The following AGBL4 variants were observed in gnomAD, a reference collection of about 807,000 sequenced individuals.
AGBL4 encodes cytosolic carboxypeptidase 6.
Under a neutral mutation model 66.4 loss-of-function variants are expected in AGBL4, and 58 were observed. The ratio of observed to expected loss-of-function variants is 0.87; its 90% CI spans 0.71 to 1.09. The LOEUF (loss-of-function observed/expected upper bound fraction) is 1.09, where lower values mean the gene tolerates loss of function less well. Among genes scored for constraint, AGBL4 ranks in the 50% least tolerant of loss-of-function variants. AGBL4 has a pLI of 0.00. For synonymous variants in AGBL4, 234 were observed against 222.9 expected (o/e 1.05, Z -0.44); for missense variants, 579 against 631.0 (o/e 0.92, Z 0.88).
intron 6 of AGBL4, among the ~76,000 whole-genome samples, chr1:48,701,463 T>C (rs72681045): frequency 0.011 from 1,726 of 151,160 alleles, 41 homozygotes; most frequent in African/African-American, 0.04. Flanking sequence ...TTTTCCTTTT[T>C]TTTTCTTTTC....
chr1:49,448,437 T>C (rs1646206782), intron 3 of AGBL4, among the ~76,000 whole-genome samples: 1 of 152,170 alleles, frequency 6.6e-6, no homozygotes, highest in African/African-American at 2.4e-5. Context: ...AACTTGTCTC[T>C]CCCCGATTCA....
intron 6 of AGBL4, among the ~76,000 whole-genome samples, chr1:48,701,268 G>A (rs1186463071): frequency 6.6e-6 from 1 of 152,174 alleles, no homozygotes; most frequent in South Asian, 2.1e-4. Flanking sequence ...GACCTGGGAA[G>A]AGGCAGCTGA....
intron 1 of AGBL4, among the ~76,000 whole-genome samples, chr1:49,936,508 G>C (rs1654043741): frequency 6.6e-6 from 1 of 152,086 alleles, no homozygotes. Flanking sequence ...TACTCCTCGA[G>C]AAGAGCAACT....
At chr1:49,036,724 A>ATTTTTTTT (rs35463441) in intron 5 of AGBL4, among the ~76,000 whole-genome samples, 1 of 139,368 alleles carries the variant, frequency 7.2e-6, no homozygotes. Flanking sequence ...TGCTCAGCTA[A>ATTTTTTTT]TTTTTTTTTT....
intron 4 of AGBL4, among the ~76,000 whole-genome samples, chr1:49,239,688 G>A (rs924527491): frequency 6.6e-6 from 1 of 152,032 alleles, no homozygotes; most frequent in African/African-American, 2.4e-5. Flanking sequence ...AGGTTTAGTG[G>A]AAGATACTGA....
chr1:48,753,703 C>A (rs1378070584), intron 6 of AGBL4, among the ~76,000 whole-genome samples: 1 of 152,202 alleles, frequency 6.6e-6, no homozygotes, highest in Non-Finnish European at 1.5e-5. Context: ...GCATTCTCCT[C>A]TCTAAAACGG....
intron 6 of AGBL4, among the ~76,000 whole-genome samples, chr1:48,689,374 CACCTACCTACCT>C (rs527261285): frequency 1.3e-5 from 2 of 150,300 alleles, no homozygotes; most frequent in African/African-American, 5.0e-5. Flanking sequence ...GGATGACGGT[CACCTACCTACCT>C]ACCTACCTAC....
intron 3 of AGBL4, among the ~76,000 whole-genome samples, chr1:49,639,249 C>A (rs1426820922): frequency 6.6e-6 from 1 of 152,136 alleles, no homozygotes; most frequent in Non-Finnish European, 1.5e-5. Flanking sequence ...CATTCTAACA[C>A]ACACCCTGCT....
chr1:48,911,486 G>T (rs1166737874), intron 5 of AGBL4, among the ~76,000 whole-genome samples: 3 of 152,022 alleles, frequency 2.0e-5, no homozygotes, highest in Non-Finnish European at 4.4e-5. Flanking sequence ...CAGGCGTGGT[G>T]GTGGGTGCCT....
chr1:48,957,269 T>C (rs1280890796), intron 5 of AGBL4, among the ~76,000 whole-genome samples: 1 of 152,196 alleles, frequency 6.6e-6, no homozygotes, highest in East Asian at 1.9e-4. Flanking sequence ...ACTTTTTTCC[T>C]TTTATAGTAT....
At chr1:49,474,953 G>C (rs1419317843) in intron 3 of AGBL4, among the ~76,000 whole-genome samples, 2 of 152,006 alleles carry the variant, frequency 1.3e-5, no homozygotes, top group African/African-American at 4.8e-5. Context: ...GATTGTTCCA[G>C]CTAAAACTTC....
At chr1:49,945,070 T>A (rs560992072) in intron 1 of AGBL4, among the ~76,000 whole-genome samples, 1 of 152,208 alleles carries the variant, frequency 6.6e-6, no homozygotes, top group East Asian at 1.9e-4. Context: ...GGGTTTATGT[T>A]AAATGACCAA....
At chr1:48,728,458 T>A (rs1337801557) in intron 6 of AGBL4, among the ~76,000 whole-genome samples, 1 of 150,796 alleles carries the variant, frequency 6.6e-6, no homozygotes, top group Non-Finnish European at 1.5e-5. Flanking sequence ...TTTATAAATG[T>A]GCCCACTCTA....
At chr1:49,856,647 T>C (rs759186210) in intron 1 of AGBL4, among the ~76,000 whole-genome samples, 17 of 152,166 alleles carry the variant, frequency 1.1e-4, no homozygotes, top group South Asian at 6.2e-4. Context: ...CCTTAATAGA[T>C]AAAGAAAATG....
chr1:49,045,171 C>A (rs1320807578), intron 5 of AGBL4, among the ~76,000 whole-genome samples: 1 of 152,206 alleles, frequency 6.6e-6, no homozygotes, highest in Non-Finnish European at 1.5e-5. Context: ...GTTTGGTTCA[C>A]TAAGAAATGT....
chr1:49,019,218 G>A (rs796142616), intron 5 of AGBL4, among the ~76,000 whole-genome samples: 2 of 152,090 alleles, frequency 1.3e-5, no homozygotes, highest in East Asian at 1.9e-4. Flanking sequence ...GATAAGAGAC[G>A]GGTTATATGC....
chr1:48,615,441 G>C (rs1645303214), intron 9 of AGBL4, among the ~76,000 whole-genome samples: 1 of 152,156 alleles, frequency 6.6e-6, no homozygotes, highest in Non-Finnish European at 1.5e-5. Flanking sequence ...AGAAATCTGA[G>C]CTACAGGGGA....
At chr1:49,543,112 A>C (rs913357285) in intron 3 of AGBL4, among the ~76,000 whole-genome samples, 2 of 152,054 alleles carry the variant, frequency 1.3e-5, no homozygotes, top group Non-Finnish European at 2.9e-5. Flanking sequence ...ACAGAGCTTT[A>C]TATGTCTTGT....
chr1:49,580,088 A>G (rs1167475414), intron 3 of AGBL4, among the ~76,000 whole-genome samples: 1 of 151,990 alleles, frequency 6.6e-6, no homozygotes, highest in East Asian at 1.9e-4. Context: ...TTTTTTAACT[A>G]TGTTGATTTA....
Sources: gnomAD v4.1 joint callset for allele counts (sites outside exome capture counted in the v4.1 genomes callset) on GRCh38, gnomAD v4.1.1 for gene constraint, MANE v1.5 for transcripts, NCBI Gene and HGNC (gene_info 2026-07-23, HGNC 2026-07-21) for gene names.